PDE7A: variants seen among roughly 807,000 people sequenced by gnomAD.
PDE7A encodes phosphodiesterase 7A, also known as high affinity 3',5'-cyclic-AMP phosphodiesterase 7A.
In PDE7A, 39 loss-of-function variants were observed where a neutral mutation model predicts 64.3. That is an observed-to-expected ratio of 0.61 (90% CI 0.47 to 0.79). PDE7A has a LOEUF of 0.79. Among genes scored for constraint, PDE7A ranks in the 30% least tolerant of loss-of-function variants. PDE7A has a pLI of 0.00. For missense variants in PDE7A, 470 were observed against 582.8 expected (o/e 0.81, Z 1.99); for synonymous variants, 203 against 206.8 (o/e 0.98, Z 0.16).
intron 1 of PDE7A, among the ~76,000 whole-genome samples, chr8:65,830,761 T>C (rs868543879): frequency 2.6e-5 from 4 of 152,140 alleles, no homozygotes; most frequent in Admixed American, 6.5e-5. Flanking sequence ...TAACTGTCCA[T>C]AGAACTCAGA....
intron 1 of PDE7A, among the ~76,000 whole-genome samples, chr8:65,808,281 T>C (rs1241128487): frequency 6.6e-6 from 1 of 152,224 alleles, no homozygotes; most frequent in Non-Finnish European, 1.5e-5. Context: ...AGTTTTCTTT[T>C]CATCAAATCT....
At chr8:65,832,872 T>C (rs1810866653) in intron 1 of PDE7A, among the ~76,000 whole-genome samples, 1 of 152,192 alleles carries the variant, frequency 6.6e-6, no homozygotes, top group African/African-American at 2.4e-5. Flanking sequence ...TCCTAGCTAT[T>C]GGTACTTATT....
rs1225064865 is a variant in PDE7A, at chr8:65,715,395, TGA to T, written c.*3893_*3894del. ...TATAAAAAAGTTTTTTTTTTTTTTT[TGA>T]GACAGAGTCTTGCTCTGTCACCTAG... On this transcript the variant is annotated 3_prime_UTR_variant, in exon 13 of 13. Coordinates refer to ENST00000401827, the MANE Select transcript of PDE7A (RefSeq NM_001242318.3). Among the ~76,000 whole-genome samples the T allele has an allele frequency of 1.3e-5, 2 of 150,418 alleles. No individual in the cohort carries two copies. The highest frequency in any genetic ancestry group is 6.6e-5 in the Admixed American group (1 of 15,150).
chr8:65,840,161 T>C (rs1811045553), intron 1 of PDE7A, among the ~76,000 whole-genome samples: 1 of 152,166 alleles, frequency 6.6e-6, no homozygotes, highest in Admixed American at 6.6e-5. Context: ...TAAATAACCA[T>C]GTAATATTAT....
chr8:65,841,298 G>T, intron 1 of PDE7A, 73 bp downstream of exon 1: 2 of 1,397,834 alleles, frequency 1.4e-6, no homozygotes, highest in East Asian at 2.8e-5. Context: ...GGTTGTAGAG[G>T]AGGTGAAGCT....
At chr8:65,820,188 G>A (rs1288822318) in intron 1 of PDE7A, among the ~76,000 whole-genome samples, 3 of 152,216 alleles carry the variant, frequency 2.0e-5, no homozygotes, top group African/African-American at 7.2e-5. Context: ...TTGAGGTCAG[G>A]AGTTCAAGAC....
At position 65,719,310 on chromosome 8, in the gene PDE7A, G is replaced by A. The variant is rs752810107; in HGVS notation, c.1429C>T (p.Gln477Ter). Reference protein sequence around the residue: ...AFELNSQLLPQENRLS With the variant: ...AFELNSQLLP ...GGGGGTTATGATAACCGATTTTCCT[G>A]AGGTAATAACTGTGAGTTCAACTCA... The change falls in exon 13 of 13, where the codon CAG (glutamine) becomes TAG (stop). Residue 477 changes from glutamine to a stop codon, truncating the protein, a stop_gained. Coordinates refer to ENST00000401827, the MANE Select transcript of PDE7A (RefSeq NM_001242318.3). LOFTEE classifies it high-confidence loss of function. The A allele has an allele frequency of 9.3e-6, 15 of 1,613,664 alleles. No individual in the cohort carries two copies. The highest frequency in any genetic ancestry group is 1.3e-5 in the Non-Finnish European group (15 of 1,179,544).
chr8:65,761,366 C>T (rs1303511430), intron 3 of PDE7A, among the ~76,000 whole-genome samples: 3 of 152,110 alleles, frequency 2.0e-5, no homozygotes, highest in Non-Finnish European at 4.4e-5. Flanking sequence ...GCCTGGCCCT[C>T]TTACCAATAT....
intron 1 of PDE7A, among the ~76,000 whole-genome samples, chr8:65,830,353 G>T (rs926811548): frequency 5.9e-5 from 9 of 151,852 alleles, no homozygotes; most frequent in African/African-American, 2.2e-4. Flanking sequence ...AAAGCATTAA[G>T]AATAATTTTG....
chr8:65,839,170 A>C (rs1339316126), intron 1 of PDE7A, among the ~76,000 whole-genome samples: 1 of 152,146 alleles, frequency 6.6e-6, no homozygotes, highest in Non-Finnish European at 1.5e-5. Flanking sequence ...TGCCAGTTTT[A>C]AGCATATTTT....
chr8:65,795,284 C>A (rs1809809052), intron 1 of PDE7A, among the ~76,000 whole-genome samples: 1 of 152,190 alleles, frequency 6.6e-6, no homozygotes, highest in African/African-American at 2.4e-5. Flanking sequence ...GTCGCCAAAC[C>A]TGAAAGCAAG....
chr8:65,766,102 C>T (rs1016745650), intron 3 of PDE7A, among the ~76,000 whole-genome samples: 37 of 152,166 alleles, frequency 2.4e-4, no homozygotes, highest in African/African-American at 7.5e-4. Flanking sequence ...CCCGCCACCA[C>T]GCCCAGCTAA....
chr8:65,841,286 G>C, intron 1 of PDE7A, 85 bp downstream of exon 1: 9 of 1,354,606 alleles, frequency 6.6e-6, no homozygotes, highest in South Asian at 1.8e-5. Flanking sequence ...GCGCGGGCTG[G>C]GGGTTGTAGA....
intron 3 of PDE7A, among the ~76,000 whole-genome samples, chr8:65,748,478 G>A (rs1417324424): frequency 2.0e-5 from 3 of 152,120 alleles, no homozygotes; most frequent in Non-Finnish European, 2.9e-5. Flanking sequence ...TCCCTCTAGT[G>A]TTAGAATAAA....
At chr8:65,771,683 T>C (rs1241605899) in intron 3 of PDE7A, among the ~76,000 whole-genome samples, 6 of 151,878 alleles carry the variant, frequency 4.0e-5, no homozygotes, top group African/African-American at 1.5e-4. Context: ...GAGACCAGCC[T>C]GGCCAACATG....
chr8:65,782,876 C>T (rs769225384), intron 1 of PDE7A, 33 bp from the exon 2 acceptor site: 2 of 1,203,632 alleles, frequency 1.7e-6, no homozygotes, highest in Non-Finnish European at 2.4e-6. Context: ...TAATACATGA[C>T]AATTAAATAT....
At position 65,804,925 on chromosome 8, in the gene PDE7A, C is replaced by A. The variant is rs149408502; in HGVS notation, c.139-22082G>T. On this transcript the variant is annotated intron_variant, in intron 1 of 12. Transcript: ENST00000401827. ...TGATCAAGGCTCACTGCAGCCATGA[C>A]CTCCTAGGCTCAAGTGATCCTCCTG... 2.6e-3 allele frequency among the ~76,000 whole-genome samples: 399 copies of A among 152,224 alleles called. 5 individuals carry two copies. In the South Asian group the frequency reaches 0.035, roughly 13 times the overall value.
intron 3 of PDE7A, among the ~76,000 whole-genome samples, chr8:65,775,804 T>C (rs538871793): frequency 6.6e-6 from 1 of 152,308 alleles, no homozygotes; most frequent in East Asian, 1.9e-4. Flanking sequence ...ATTTTTACTA[T>C]TTTTAGTAGA....
chr8:65,742,405 T>G (rs972085619), intron 5 of PDE7A, among the ~76,000 whole-genome samples: 1 of 152,176 alleles, frequency 6.6e-6, no homozygotes, highest in African/African-American at 2.4e-5. Flanking sequence ...GAACTCCAAA[T>G]GCATCCTACC....
Sources: gnomAD v4.1 joint callset for allele counts (sites outside exome capture counted in the v4.1 genomes callset) on GRCh38, gnomAD v4.1.1 for gene constraint, MANE v1.5 for transcripts, NCBI Gene and HGNC (gene_info 2026-07-23, HGNC 2026-07-21) for gene names.